SCUBE1: variants seen among roughly 807,000 people sequenced by gnomAD.
SCUBE1 encodes signal peptide, CUB and EGF-like domain-containing protein 1.
In SCUBE1, 59 loss-of-function variants were observed where a neutral mutation model predicts 124.4. That is an observed-to-expected ratio of 0.47 (90% CI 0.38 to 0.59). SCUBE1 has a LOEUF of 0.59. Ranked by LOEUF, SCUBE1 falls within the 20% of genes least tolerant of loss-of-function variation. SCUBE1 has a pLI of 0.00. For synonymous variants in SCUBE1, 545 were observed against 550.9 expected (o/e 0.99, Z 0.15); for missense variants, 1,150 against 1,371.2 (o/e 0.84, Z 2.55).
chr22:43,295,135 C>T (rs148631743), intron 3 of SCUBE1, among the ~76,000 whole-genome samples: 258 of 152,262 alleles, frequency 1.7e-3, no homozygotes, highest in African/African-American at 3.7e-3. Flanking sequence ...CCTTCAAGTC[C>T]GATGGCGGTA....
chr22:43,214,614 G>T (rs1417045333), intron 15 of SCUBE1, among the ~76,000 whole-genome samples: 3 of 152,174 alleles, frequency 2.0e-5, no homozygotes, highest in African/African-American at 7.2e-5. Flanking sequence ...TCGCCACTTG[G>T]ATATGCTACA....
chr22:43,242,663 C>G (rs558875696), intron 6 of SCUBE1, among the ~76,000 whole-genome samples: 39 of 152,338 alleles, frequency 2.6e-4, no homozygotes, highest in Non-Finnish European at 4.1e-4. Context: ...AGGAGGAGGA[C>G]GCAGAGCAGC....
intron 10 of SCUBE1, among the ~76,000 whole-genome samples, chr22:43,225,666 T>C (rs1384350413): frequency 6.6e-6 from 1 of 151,400 alleles, no homozygotes; most frequent in African/African-American, 2.4e-5. Flanking sequence ...CCTCTCAAAG[T>C]GCTGGGATTA....
At chr22:43,292,725 C>T (rs529938230) in intron 3 of SCUBE1, among the ~76,000 whole-genome samples, 2 of 152,248 alleles carry the variant, frequency 1.3e-5, no homozygotes, top group South Asian at 4.1e-4. Flanking sequence ...GGCTGTGGAG[C>T]GATTTGAGCC....
intron 3 of SCUBE1, among the ~76,000 whole-genome samples, chr22:43,294,695 G>A (rs747281837): frequency 1.4e-4 from 22 of 152,172 alleles, no homozygotes; most frequent in Non-Finnish European, 2.8e-4. Flanking sequence ...TGCAGACTGC[G>A]TCCTCCAGGA....
chr22:43,337,525 G>T (rs563067377), intron 2 of SCUBE1, among the ~76,000 whole-genome samples: 74 of 152,342 alleles, frequency 4.9e-4, no homozygotes, highest in Middle Eastern at 3.4e-3. Flanking sequence ...AGCCGGGCCA[G>T]CCGCCCCACC....
At chr22:43,215,724 G>A (rs1490685046) in intron 15 of SCUBE1, among the ~76,000 whole-genome samples, 1 of 152,206 alleles carries the variant, frequency 6.6e-6, no homozygotes, top group Non-Finnish European at 1.5e-5. Context: ...GGAGAGGCAG[G>A]GAAAGGGGAG....
intron 5 of SCUBE1, among the ~76,000 whole-genome samples, chr22:43,260,220 C>T (rs968367543): frequency 2.6e-5 from 4 of 152,208 alleles, no homozygotes; most frequent in African/African-American, 9.7e-5. Flanking sequence ...GGAGGCCTGC[C>T]TGAGGCAACT....
intron 1 of SCUBE1, among the ~76,000 whole-genome samples, chr22:43,339,918 C>CA (rs1352311643): frequency 4.0e-5 from 2 of 49,450 alleles, no homozygotes; most frequent in African/African-American, 1.9e-4. Context: ...CATTCTACCC[C>CA]CCCAACAAGC....
chr22:43,210,844 C>T lies in SCUBE1; in HGVS notation c.2383+78G>A. On this transcript the variant is annotated intron_variant, in intron 18 of 21. Transcript: ENST00000360835. The surrounding 1 kb of genome is among the most constrained non-coding windows in gnomAD (Gnocchi z 4.5). ...TGTCCTCGTGGAGCTCGTGTGAGAT[C>T]AGGTCTCCTCCCGCCCCCACAACCT... 6.5e-7 allele frequency: 1 copy of T among 1,533,304 alleles called. No homozygotes were observed. Among genetic ancestry groups the T allele is most frequent in the Admixed American group, 1.7e-5 (1 of 59,032 alleles). The allele number at this position is 1,533,304 out of a possible 1,614,324, so 95.0% of individuals were successfully genotyped here. A position where few individuals can be genotyped will look rare whatever the true frequency, so the allele number is the denominator to read the frequency against.
intron 15 of SCUBE1, among the ~76,000 whole-genome samples, chr22:43,215,794 T>A (rs919441394): frequency 1.3e-5 from 2 of 152,084 alleles, no homozygotes; most frequent in Non-Finnish European, 2.9e-5. Flanking sequence ...TCTTTCTGGA[T>A]GGGAGCTGGG....
chr22:43,216,126 A>T (rs1921799412), intron 15 of SCUBE1, among the ~76,000 whole-genome samples: 2 of 152,084 alleles, frequency 1.3e-5, no homozygotes, highest in Non-Finnish European at 2.9e-5. Context: ...AGCTCACTGC[A>T]ACCTCTGCCT....
chr22:43,336,953 A>ATG (rs1195198412), intron 2 of SCUBE1, among the ~76,000 whole-genome samples: 1,939 of 142,746 alleles, frequency 0.014, 38 homozygotes, highest in African/African-American at 0.05. Context: ...GTCTGTGTGT[A>ATG]TGTCTGTGTG....
chr22:43,302,482 C>T (rs1202429644), intron 3 of SCUBE1, among the ~76,000 whole-genome samples: 1 of 152,220 alleles, frequency 6.6e-6, no homozygotes, highest in Non-Finnish European at 1.5e-5. Flanking sequence ...TTCTAGATCA[C>T]AGGCAGGGCA....
At chr22:43,267,884 T>C (rs1924136190) in intron 4 of SCUBE1, among the ~76,000 whole-genome samples, 1 of 152,164 alleles carries the variant, frequency 6.6e-6, no homozygotes, top group South Asian at 2.1e-4. Context: ...GCTGGGGCCA[T>C]GAGGGCTAAG....
intron 15 of SCUBE1, among the ~76,000 whole-genome samples, chr22:43,217,335 A>G: frequency 1.5e-5 from 2 of 129,212 alleles, no homozygotes; most frequent in South Asian, 2.6e-4. Context: ...CCCGCAGCCC[A>G]CTCTTCATCA....
At chr22:43,330,290 T>C (rs574256679) in intron 2 of SCUBE1, among the ~76,000 whole-genome samples, 1 of 152,296 alleles carries the variant, frequency 6.6e-6, no homozygotes, top group Admixed American at 6.5e-5. Flanking sequence ...TTGCTACAAA[T>C]GCTTCCATTG....
At chr22:43,328,016 G>A (rs1016720815) in intron 2 of SCUBE1, among the ~76,000 whole-genome samples, 2 of 152,212 alleles carry the variant, frequency 1.3e-5, no homozygotes, top group African/African-American at 4.8e-5. Context: ...CTGCCTGGGT[G>A]AAGGGAAACC....
chr22:43,310,765 C>T (rs1012921879), intron 3 of SCUBE1, among the ~76,000 whole-genome samples: 11 of 152,148 alleles, frequency 7.2e-5, no homozygotes, highest in Non-Finnish European at 1.6e-4. Context: ...TTTTTCAATA[C>T]ACATTTTTTA....
Sources: gnomAD v4.1 joint callset for allele counts (sites outside exome capture counted in the v4.1 genomes callset) on GRCh38, gnomAD v4.1.1 for gene constraint, Gnocchi (gnomAD v3.1) non-coding constraint, MANE v1.5 for transcripts, NCBI Gene and HGNC (gene_info 2026-07-23, HGNC 2026-07-21) for gene names.